The following KLHL4 variants were observed in gnomAD, a reference collection of about 807,000 sequenced individuals.
KLHL4 encodes the protein kelch like family member 4, also known as kelch-like protein 4.
Under a neutral mutation model 45.8 loss-of-function variants are expected in KLHL4, and 17 were observed. The observed-to-expected ratio is 0.37, with a 90% CI of 0.25 to 0.56. The LOEUF is 0.56. KLHL4 is among the 20% of genes least tolerant of loss of function. KLHL4 has a pLI of 0.79. For synonymous variants in KLHL4, 224 were observed against 189.9 expected (o/e 1.18, Z -1.47); for missense variants, 544 against 544.9 (o/e 1.00, Z 0.02).
chrX:87,584,760 G>T (rs774535927), intron 1 of KLHL4, among the ~76,000 whole-genome samples: 2 of 109,433 alleles, frequency 1.8e-5, no homozygotes, highest in Admixed American at 9.8e-5. Flanking sequence ...AAAGTTATTG[G>T]CCTTAAAGAG....
At chrX:87,577,061 A>G (rs1277168404) in intron 1 of KLHL4, among the ~76,000 whole-genome samples, 1 of 112,160 alleles carries the variant, frequency 8.9e-6, no homozygotes, top group Non-Finnish European at 1.9e-5. Context: ...AAGTCACTTT[A>G]CATTGAAATA....
chrX:87,644,522 C>T (rs1261779100), intron 9 of KLHL4, among the ~76,000 whole-genome samples: 2 of 111,020 alleles, frequency 1.8e-5, no homozygotes, highest in African/African-American at 6.6e-5. Context: ...ACCAAAATAG[C>T]ACCATTATTC....
At chrX:87,663,677 C>A (rs1924272313) in intron 9 of KLHL4, among the ~76,000 whole-genome samples, 2 of 112,368 alleles carry the variant, frequency 1.8e-5, no homozygotes. Flanking sequence ...CCAGAGCATG[C>A]AGCTATGAAT....
At chrX:87,566,426 C>T (rs1252241150) in intron 1 of KLHL4, among the ~76,000 whole-genome samples, 3 of 111,431 alleles carry the variant, frequency 2.7e-5, no homozygotes, top group Non-Finnish European at 1.9e-5. Context: ...AATAATACAC[C>T]TACTGAAAAT....
At chrX:87,633,348 A>T (rs1440225707) in intron 7 of KLHL4, among the ~76,000 whole-genome samples, 1 of 112,189 alleles carries the variant, frequency 8.9e-6, no homozygotes, top group African/African-American at 3.2e-5. Context: ...GGTTATAAAG[A>T]CCTACTACAG....
chrX:87,660,067 C>A (rs1436629112), intron 9 of KLHL4, among the ~76,000 whole-genome samples: 1 of 110,925 alleles, frequency 9.0e-6, no homozygotes, highest in Non-Finnish European at 1.9e-5. Flanking sequence ...CCAAAGAATA[C>A]AGTAGACTTA....
intron 1 of KLHL4, among the ~76,000 whole-genome samples, chrX:87,542,383 A>AT (rs1160338262): frequency 8.9e-6 from 1 of 112,221 alleles, no homozygotes; most frequent in Admixed American, 9.4e-5. Context: ...AGCCCCTCTC[A>AT]TCACAGGCCT....
At chrX:87,662,974 C>T (rs1266052898) in intron 9 of KLHL4, among the ~76,000 whole-genome samples, 4 of 105,282 alleles carry the variant, frequency 3.8e-5, no homozygotes, top group Non-Finnish European at 5.8e-5. Flanking sequence ...CCACCCTCTA[C>T]GGAATCAGAT....
intron 1 of KLHL4, among the ~76,000 whole-genome samples, chrX:87,575,339 T>C (rs1018197994): frequency 1.4e-4 from 15 of 111,020 alleles, no homozygotes; most frequent in African/African-American, 4.6e-4. Flanking sequence ...GGGACCCAGG[T>C]TGTGCACTCC....
At chrX:87,661,219 C>T (rs1279171795) in intron 9 of KLHL4, among the ~76,000 whole-genome samples, 2 of 111,263 alleles carry the variant, frequency 1.8e-5, no homozygotes, top group Admixed American at 9.6e-5. Flanking sequence ...GTTTCTATTG[C>T]GGTTTGGAAG....
At chrX:87,520,999 G>A (rs1271909341) in intron 1 of KLHL4, among the ~76,000 whole-genome samples, 1 of 111,801 alleles carries the variant, frequency 8.9e-6, no homozygotes, top group Non-Finnish European at 1.9e-5. Flanking sequence ...TCCTCTTTGT[G>A]TTCGAAGACA....
rs140705640 is a variant in KLHL4, at chrX:87,608,278, G to A, written c.423-5599G>A. 6.3e-5 allele frequency among the ~76,000 whole-genome samples: 7 copies of A among 111,078 alleles called. No individual in the cohort carries two copies. In the East Asian group the frequency reaches 1.1e-3, roughly 18 times the overall value. ...CCATTTCCACCCTTGCCTCATAAACGCCAGGAGATTTTAAAGACTTAAATC... is the reference window on the plus strand; with the variant it reads ...CCATTTCCACCCTTGCCTCATAAACACCAGGAGATTTTAAAGACTTAAATC... On this transcript the variant is annotated intron_variant, in intron 1 of 10. Transcript: ENST00000373119.
intron 9 of KLHL4, among the ~76,000 whole-genome samples, chrX:87,655,545 T>C (rs1371012960): frequency 4.5e-5 from 5 of 111,643 alleles, no homozygotes; most frequent in African/African-American, 1.6e-4. Context: ...TGAATATTTT[T>C]TTCCACCCCA....
chrX:87,530,929 C>G (rs1290223270), intron 1 of KLHL4, among the ~76,000 whole-genome samples: 1 of 110,641 alleles, frequency 9.0e-6, no homozygotes, highest in African/African-American at 3.3e-5. Context: ...CTCTCCAGCA[C>G]CTGTTGTTTC....
chrX:87,610,286 T>C (rs1229545073), intron 1 of KLHL4, among the ~76,000 whole-genome samples: 1 of 112,351 alleles, frequency 8.9e-6, no homozygotes, highest in Non-Finnish European at 1.9e-5. Flanking sequence ...ATATCTTCAC[T>C]TCCTAAAATA....
chrX:87,625,968 A>G (rs1390136721), intron 6 of KLHL4, among the ~76,000 whole-genome samples, 172 bp downstream of exon 6: 1 of 112,095 alleles, frequency 8.9e-6, no homozygotes, highest in Non-Finnish European at 1.9e-5. Context: ...CTTATGAGAC[A>G]TAACCTTTCA....
rs999935218 is a variant in KLHL4, at chrX:87,613,694, G to A, written c.423-183G>A. 4.2e-4 allele frequency among the ~76,000 whole-genome samples: 47 copies of A among 111,856 alleles called. No homozygotes were observed. In the Admixed American group the frequency reaches 4.4e-3, roughly 10 times the overall value. ...CTTCACTTTAATGAGAGGTTAGGTAGTAATTATAGTAAAATATCTAAGATC... is the reference window on the plus strand; with the variant it reads ...CTTCACTTTAATGAGAGGTTAGGTAATAATTATAGTAAAATATCTAAGATC... On this transcript the variant is annotated intron_variant, in intron 1 of 10. Coordinates refer to ENST00000373119, the MANE Select transcript of KLHL4 (RefSeq NM_019117.5).
chrX:87,540,067 AG>A (rs1015766270), intron 1 of KLHL4, among the ~76,000 whole-genome samples: 1 of 111,360 alleles, frequency 9.0e-6, no homozygotes, highest in African/African-American at 3.3e-5. Flanking sequence ...AAAAATAAAA[AG>A]GACAGTAAAA....
At chrX:87,642,651 G>T (rs965127384) in intron 9 of KLHL4, among the ~76,000 whole-genome samples, 1 of 112,209 alleles carries the variant, frequency 8.9e-6, no homozygotes, top group Non-Finnish European at 1.9e-5. Flanking sequence ...TCCAAAAAAT[G>T]ATACAAGAAG....
Sources: gnomAD v4.1 joint callset for allele counts (sites outside exome capture counted in the v4.1 genomes callset) on GRCh38, gnomAD v4.1.1 for gene constraint, MANE v1.5 for transcripts, NCBI Gene and HGNC (gene_info 2026-07-23, HGNC 2026-07-21) for gene names.